Variants in ATP7B observed in about 807,000 individuals in gnomAD.
ATP7B encodes the protein copper-transporting ATPase 2.
Under a neutral mutation model 118.9 loss-of-function variants are expected in ATP7B, and 113 were observed. The observed-to-expected ratio is 0.95, with a 90% CI of 0.82 to 1.11. ATP7B has a LOEUF of 1.11. ATP7B is among the 50% of genes most tolerant of loss of function. The pLI, the probability that ATP7B is intolerant of heterozygous loss-of-function variation, is 0.00. For missense variants in ATP7B, 1,867 were observed against 1,871.4 expected (o/e 1.00, Z 0.04); for synonymous variants, 777 against 727.4 (o/e 1.07, Z -1.10).
At chr13:51,960,448 G>C in intron 6 of ATP7B, 126 bp from the exon 7 acceptor site, 1 of 1,194,500 alleles carries the variant, frequency 8.4e-7, no homozygotes, top group South Asian at 1.3e-5. Context: ...AGACCACCAG[G>C]GGTTAAAATG....
At chr13:51,987,665 C>A (rs1952721478) in intron 1 of ATP7B, among the ~76,000 whole-genome samples, 1 of 152,178 alleles carries the variant, frequency 6.6e-6, no homozygotes, top group African/African-American at 2.4e-5. Context: ...TCAAACTATA[C>A]TACAAGGCTA....
chr13:51,979,222 G>T (rs2181891), intron 1 of ATP7B, among the ~76,000 whole-genome samples: 66,903 of 152,044 alleles, frequency 0.44, 15,106 homozygotes, highest in East Asian at 0.54. Context: ...GGAATTACAC[G>T]GAGCTTGAAT....
chr13:51,995,233 A>C, intron 1 of ATP7B: 2 of 925,026 alleles, frequency 2.2e-6, no homozygotes, highest in African/African-American at 1.8e-5. Flanking sequence ...ATCCCACACA[A>C]GAGACATGGA....
chr13:51,968,317 CA>C, intron 4 of ATP7B, 126 bp downstream of exon 4: 1 of 1,423,552 alleles, frequency 7.0e-7, no homozygotes, highest in South Asian at 1.2e-5. Flanking sequence ...GTGAAACAAA[CA>C]AAATACCCAA....
At chr13:51,967,072 T>C in intron 4 of ATP7B, 2 of 1,603,572 alleles carry the variant, frequency 1.2e-6, no homozygotes, top group African/African-American at 1.3e-5. Flanking sequence ...AACAAGAAAA[T>C]TGAAAGATGG....
In ATP7B at chr13:51,960,128, G is replaced by A; in HGVS notation, c.2121+20C>T. The A allele has an allele frequency of 6.2e-7, 1 of 1,610,000 alleles. No homozygotes were observed. The highest frequency in any genetic ancestry group is 1.3e-5 in the African/African-American group (1 of 74,972). On this transcript the variant is annotated intron_variant, in intron 7 of 20. Transcript: ENST00000242839. The stretch of plus-strand genomic sequence containing the variant: ...CACACAGCATGGAAGGGAGAGGTCT[G>A]CCCACTTTCTCATATATACCTGGAC...
intron 1 of ATP7B, among the ~76,000 whole-genome samples, chr13:51,993,349 T>C (rs1053969363): frequency 2.0e-5 from 3 of 151,714 alleles, no homozygotes; most frequent in Non-Finnish European, 4.4e-5. Flanking sequence ...AGGAGGATCA[T>C]TTGAGCCCAG....
At chr13:51,958,708 C>A in intron 7 of ATP7B, 164 bp from the exon 8 acceptor site, 1 of 686,672 alleles carries the variant, frequency 1.5e-6, no homozygotes, top group South Asian at 1.6e-5. Context: ...CTTTCCCATT[C>A]AGAGGACTAC....
Position 51,946,497 on chromosome 13 carries a change from C to G in ATP7B, c.2866-19G>C. The G allele has an allele frequency of 1.2e-6, 2 of 1,613,748 alleles. No homozygotes were observed. The highest frequency in any genetic ancestry group is 1.7e-6 in the Non-Finnish European group (2 of 1,179,780). On this transcript the variant is annotated intron_variant, in intron 12 of 20. Coordinates refer to ENST00000242839, the MANE Select transcript of ATP7B (RefSeq NM_000053.4). ...TGGGGTTCTGAAAACAGGACAGAGT[C>G]AGAGGCAGGTTGAGAGTTCAATAAG...
rs1956774903 is a variant in ATP7B at position 51,932,766 on chromosome 13, A to G, written c.*1990T>C. On this transcript the variant is annotated 3_prime_UTR_variant, in exon 21 of 21. Coordinates refer to ENST00000242839, the MANE Select transcript of ATP7B (RefSeq NM_000053.4). Reference sequence around the variant, plus strand: ...CAAAAAAACTCCTTACACTTTGACCATCTAAAAGGTTATTTTCTATAAAAT... The same window carrying G: ...CAAAAAAACTCCTTACACTTTGACCGTCTAAAAGGTTATTTTCTATAAAAT... 6.6e-6 allele frequency: 1 copy of G among 152,210 alleles called. No homozygotes were observed. The highest frequency in any genetic ancestry group is 2.1e-4 in the South Asian group (1 of 4,834). The allele number at this position is 152,210 out of a possible 1,614,324, so 9.4% of individuals were successfully genotyped here.
intron 5 of ATP7B, among the ~76,000 whole-genome samples, chr13:51,962,235 A>C (rs1339526919): frequency 6.6e-6 from 1 of 152,226 alleles, no homozygotes; most frequent in Non-Finnish European, 1.5e-5. Flanking sequence ...ATGAGGAAAC[A>C]GAAGGTCGGA....
At chr13:51,962,056 C>A (rs1958785478) in intron 5 of ATP7B, 143 bp from the exon 6 acceptor site, 3 of 683,380 alleles carry the variant, frequency 4.4e-6, no homozygotes, top group African/African-American at 1.8e-5. Context: ...TTTCTGCTTA[C>A]AACTTCTTTA....
In ATP7B at chr13:51,951,392, G is replaced by C. The variant is rs1387277292; in HGVS notation, c.2448-993C>G. ...AGGGAAGAGAAGGGGAGGGGATGGAGAGAAATGGTTCATTTTGACATGTCG... is the reference window on the plus strand; with the variant it reads ...AGGGAAGAGAAGGGGAGGGGATGGACAGAAATGGTTCATTTTGACATGTCG... On this transcript the variant is annotated intron_variant, in intron 9 of 20. Transcript: ENST00000242839. Among the ~76,000 whole-genome samples the C allele has an allele frequency of 1.3e-5, 2 of 151,816 alleles. 1 individual carries two copies. The highest frequency in any genetic ancestry group is 4.2e-4 in the South Asian group (2 of 4,794).
intron 17 of ATP7B, 29 bp from the exon 18 acceptor site, chr13:51,937,708 G>T (rs1300234265): frequency 6.2e-7 from 1 of 1,610,978 alleles, no homozygotes. Context: ...AATGCCTAGT[G>T]TTGGCAAAAG....
At chr13:51,998,462 G>A (rs1354902714) in intron 1 of ATP7B, among the ~76,000 whole-genome samples, 1 of 152,096 alleles carries the variant, frequency 6.6e-6, no homozygotes, top group Admixed American at 6.5e-5. Flanking sequence ...AAATAAATGA[G>A]TTCAATTATA....
At chr13:51,956,784 C>A (rs928252461) in intron 9 of ATP7B, among the ~76,000 whole-genome samples, 2 of 152,124 alleles carry the variant, frequency 1.3e-5, no homozygotes, top group Admixed American at 1.3e-4. Flanking sequence ...AATACAGAAG[C>A]CTTAATTAGA....
At chr13:51,963,522 C>T (rs879589767) in intron 5 of ATP7B, among the ~76,000 whole-genome samples, 20 of 151,450 alleles carry the variant, frequency 1.3e-4, no homozygotes, top group Admixed American at 1.2e-3. Context: ...GATCACCTGA[C>T]GTCAGGAGTT....
Position 51,934,794 on chromosome 13 carries a change from G to C in ATP7B, c.4360C>G (p.Leu1454Val). 1 of 1,614,126 alleles carries C rather than the reference G, an allele frequency of 6.2e-7. No individual in the cohort carries two copies. Among genetic ancestry groups the C allele is most frequent in the Non-Finnish European group, 8.5e-7 (1 of 1,180,046 alleles). Residue 1454 changes from leucine (L) to valine (V), a missense_variant, in exon 21 of 21, where the codon CTG becomes GTG. Leu to Val is a conservative substitution (Grantham distance 32, BLOSUM62 1). Coordinates refer to ENST00000242839, the MANE Select transcript of ATP7B (RefSeq NM_000053.4). Reference sequence around the variant, plus strand: ...TCCTCATCCCTGCCATTCAGGAGCAGAGACCACTTGTCCCCATCATCGTCT... The same window carrying C: ...TCCTCATCCCTGCCATTCAGGAGCACAGACCACTTGTCCCCATCATCGTCT... The part of the protein sequence containing the change: ...AADDDGDKWS[L>V]LLNGRDEEQY...
rs142187604 is a variant in ATP7B, at chr13:51,968,474, G to A, written c.1677C>T (p.Tyr559=). ...LGFEAAVMED[Y]AGSDGNIELT... ...GCTCAATGTTGCCATCGGAGCCTGC[G>A]TAGTCCTCCATGACTGCTGCCTCAA... Residue 559 remains tyrosine, a synonymous_variant, in exon 4 of 21, where the codon TAC becomes TAT. Coordinates refer to ENST00000242839, the MANE Select transcript of ATP7B (RefSeq NM_000053.4). The A allele has an allele frequency of 1.4e-5, 22 of 1,614,164 alleles. No homozygotes were observed. The highest frequency in any genetic ancestry group is 1.6e-4 in the Middle Eastern group (1 of 6,062).
Sources: gnomAD v4.1 joint callset for allele counts (sites outside exome capture counted in the v4.1 genomes callset) on GRCh38, gnomAD v4.1.1 for gene constraint, MANE v1.5 for transcripts, NCBI Gene and HGNC (gene_info 2026-07-23, HGNC 2026-07-21) for gene names.